Variants in CFAP47 observed in about 807,000 individuals in gnomAD.
CFAP47 encodes cilia and flagella associated protein 47.
Under a neutral mutation model 148.1 loss-of-function variants are expected in CFAP47, and 29 were observed. The ratio of observed to expected loss-of-function variants is 0.20; its 90% CI spans 0.15 to 0.27. CFAP47 has a LOEUF of 0.27. Ranked by LOEUF, CFAP47 falls within the 10% of genes least tolerant of loss-of-function variation. The pLI, the probability that CFAP47 is intolerant of heterozygous loss-of-function variation, is 1.00. For synonymous variants in CFAP47, 664 were observed against 577.3 expected (o/e 1.15, Z -2.15); for missense variants, 1,872 against 1,697.5 (o/e 1.10, Z -1.81).
Position 35,965,553 on chromosome X carries a change from C to A in CFAP47, c.1411-1012C>A, listed in dbSNP as rs940657411. The stretch of plus-strand genomic sequence containing the variant: ...GTTCTCAAGTGATTTTTAAACTTTT[C>A]TATTTGTGCATTTATTATGAATAAC... On this transcript the variant is annotated intron_variant, in intron 8 of 63. Coordinates refer to ENST00000378653, the MANE Select transcript of CFAP47 (RefSeq NM_001304548.2). Among the ~76,000 whole-genome samples, 4 of 111,743 alleles carry A rather than the reference C, an allele frequency of 3.6e-5. No homozygotes were observed. The Admixed American group carries it at 3.8e-4, about 11-fold the overall frequency.
intron 49 of CFAP47, among the ~76,000 whole-genome samples, chrX:36,278,463 C>A (rs1337264610): frequency 1.8e-5 from 2 of 112,672 alleles, no homozygotes; most frequent in Admixed American, 1.9e-4. Context: ...AGTATTTGGG[C>A]AGGAGTTTCC....
intron 62 of CFAP47, among the ~76,000 whole-genome samples, chrX:36,377,478 T>A (rs918824342): frequency 8.9e-6 from 1 of 112,125 alleles, no homozygotes; most frequent in Non-Finnish European, 1.9e-5. Context: ...GTTATTTGAT[T>A]TTTTCTTGTA....
chrX:36,177,495 A>T (rs1184202926), intron 39 of CFAP47, among the ~76,000 whole-genome samples: 1 of 112,103 alleles, frequency 8.9e-6, no homozygotes, highest in Non-Finnish European at 1.9e-5. Flanking sequence ...AGCTGACTTT[A>T]AATGTAAATT....
chrX:36,380,690 GC>G (rs1485389698), intron 63 of CFAP47, among the ~76,000 whole-genome samples: 1 of 112,225 alleles, frequency 8.9e-6, no homozygotes, highest in African/African-American at 3.2e-5. Context: ...TGATCCACCC[GC>G]CTCGGCCTCC....
Position 36,114,061 on chromosome X carries a change from T to C in CFAP47, c.5320+9370T>C, listed in dbSNP as rs1403227713. ...TGCTGACCTCGTGATCTGCCCGCCT[T>C]GGCCTCCCAAGTCTGACTGTCTTAG... On this transcript the variant is annotated intron_variant, in intron 33 of 63. Transcript: ENST00000378653. Among the ~76,000 whole-genome samples the C allele has an allele frequency of 7.2e-5, 8 of 111,080 alleles. No individual in the cohort carries two copies. The South Asian group carries it at 1.1e-3, about 16-fold the overall frequency.
intron 56 of CFAP47, among the ~76,000 whole-genome samples, chrX:36,312,415 A>G (rs985332746): frequency 2.7e-5 from 3 of 111,185 alleles, no homozygotes; most frequent in Non-Finnish European, 3.8e-5. Context: ...AAAATTAAAT[A>G]TAAAAGTTAT....
At chrX:36,272,951 A>C (rs983152477) in intron 49 of CFAP47, among the ~76,000 whole-genome samples, 21 of 111,122 alleles carry the variant, frequency 1.9e-4, no homozygotes, top group Admixed American at 7.8e-4. Context: ...TATGCCAGGG[A>C]AATATATATG....
At position 36,213,582 on chromosome X, in the gene CFAP47, T is replaced by C. The variant is rs184688251; in HGVS notation, c.6817+8472T>C. Among the ~76,000 whole-genome samples the C allele has an allele frequency of 7.1e-4, 79 of 111,706 alleles. No individual in the cohort carries two copies. The East Asian group carries it at 9.6e-3, about 14-fold the overall frequency. On this transcript the variant is annotated intron_variant, in intron 45 of 63. Transcript: ENST00000378653. Reference sequence around the variant, plus strand: ...TGCCACCATGGTCCAACATCTCCATTTGTAAAAGGGAGAATGTTAGGCCCA... The same window carrying C: ...TGCCACCATGGTCCAACATCTCCATCTGTAAAAGGGAGAATGTTAGGCCCA...
intron 30 of CFAP47, among the ~76,000 whole-genome samples, chrX:36,088,206 T>C (rs967059197): frequency 8.9e-6 from 1 of 111,955 alleles, no homozygotes; most frequent in African/African-American, 3.2e-5. Flanking sequence ...TGGAGGGGTG[T>C]AATGTAGACC....
intron 8 of CFAP47, among the ~76,000 whole-genome samples, chrX:35,959,557 C>T (rs1326445615): frequency 2.7e-5 from 3 of 111,478 alleles, no homozygotes; most frequent in Non-Finnish European, 3.8e-5. Flanking sequence ...GCCTGTAATC[C>T]CAGCACTTTG....
chrX:36,247,690 G>T (rs1403146370), intron 48 of CFAP47, among the ~76,000 whole-genome samples: 3 of 110,401 alleles, frequency 2.7e-5, no homozygotes, highest in Non-Finnish European at 3.8e-5. Context: ...ATACGAAAAG[G>T]AATTTAAGTG....
chrX:36,223,607 A>T lies in CFAP47; in HGVS notation c.6818-5021A>T, dbSNP rs183726797. On this transcript the variant is annotated intron_variant, in intron 45 of 63. Coordinates refer to ENST00000378653, the MANE Select transcript of CFAP47 (RefSeq NM_001304548.2). The stretch of plus-strand genomic sequence containing the variant: ...ATGTGTTTTTATACAATTATGACCT[A>T]TTAAGGCACAAACAAGTCTAATAAA... Among the ~76,000 whole-genome samples the T allele has an allele frequency of 8.0e-3, 893 of 110,964 alleles. 9 individuals are homozygous for T. The highest frequency in any genetic ancestry group is 0.057 in the South Asian group (152 of 2,648).
intron 33 of CFAP47, among the ~76,000 whole-genome samples, chrX:36,105,606 A>G (rs1227405711): frequency 8.9e-6 from 1 of 111,978 alleles, no homozygotes; most frequent in Non-Finnish European, 1.9e-5. Context: ...GTATTTGAGA[A>G]CAGCAAACAT....
rs1362703499 is a variant in CFAP47, at chrX:36,251,398, T to C, written c.7398T>C (p.Ile2466=). The C allele has an allele frequency of 4.9e-5, 25 of 506,808 alleles. No individual in the cohort carries two copies. The highest frequency in any genetic ancestry group is 8.5e-5 in the Non-Finnish European group (24 of 283,150). 41.8% of individuals were successfully genotyped at this position (506,808 alleles called of 1,213,427 possible). ...TTACAGTATACCCTTATAAAGAAATTCTGTACCTGATTCATGTGCGCCCTT... is the reference window on the plus strand; with the variant it reads ...TTACAGTATACCCTTATAAAGAAATCCTGTACCTGATTCATGTGCGCCCTT... ...PQITVYPYKE[I]LYLIHVRPWK... is the part of the protein sequence containing the mutation. The change falls in exon 49 of 64, where the codon ATT becomes ATC. Residue 2466 remains isoleucine (I), a synonymous_variant. Coordinates refer to ENST00000378653, the MANE Select transcript of CFAP47 (RefSeq NM_001304548.2).
chrX:36,169,415 T>A (rs1237124168), intron 39 of CFAP47, among the ~76,000 whole-genome samples: 1 of 110,499 alleles, frequency 9.0e-6, no homozygotes, highest in Non-Finnish European at 1.9e-5. Context: ...CTTATGTTGG[T>A]GTCCCACAGG....
chrX:36,231,832 A>T (rs1193672411), intron 46 of CFAP47, among the ~76,000 whole-genome samples: 1 of 111,486 alleles, frequency 9.0e-6, no homozygotes, highest in Non-Finnish European at 1.9e-5. Context: ...AGGATTGTTG[A>T]ATTTTGTCAA....
At chrX:36,321,901 T>C (rs782758200) in intron 57 of CFAP47, among the ~76,000 whole-genome samples, 2 of 111,850 alleles carry the variant, frequency 1.8e-5, no homozygotes, top group East Asian at 5.6e-4. Context: ...TTCTACACTA[T>C]CAATGTCATT....
chrX:35,923,857 ATATATGTACATATATG>A (rs1462771494), intron 1 of CFAP47, among the ~76,000 whole-genome samples: 5 of 100,951 alleles, frequency 5.0e-5, no homozygotes, highest in African/African-American at 1.9e-4. Context: ...GTGTGTATAT[ATATATGTACATATATG>A]TATATATGTA....
chrX:35,995,802 A>G (rs1443571917), intron 18 of CFAP47, among the ~76,000 whole-genome samples: 1 of 110,566 alleles, frequency 9.0e-6, no homozygotes, highest in Non-Finnish European at 1.9e-5. Flanking sequence ...TGAACCAAAT[A>G]TATAATTGAG....
Sources: gnomAD v4.1 joint callset for allele counts (sites outside exome capture counted in the v4.1 genomes callset) on GRCh38, gnomAD v4.1.1 for gene constraint, MANE v1.5 for transcripts, NCBI Gene and HGNC (gene_info 2026-07-23, HGNC 2026-07-21) for gene names.